The following ANKRD11 variants were observed in gnomAD, a reference collection of about 807,000 sequenced individuals.
ANKRD11 encodes the protein ankyrin repeat domain-containing protein 11.
In ANKRD11, 17 loss-of-function variants were observed where a neutral mutation model predicts 195.7. The ratio of observed to expected loss-of-function variants is 0.09; its 90% confidence interval spans 0.06 to 0.13. ANKRD11 has a LOEUF of 0.13. ANKRD11 is among the 10% of genes least tolerant of loss of function. The pLI is 1.00. For synonymous variants in ANKRD11, 1,953 were observed against 1,528.1 expected, an observed-to-expected ratio of 1.28 and a Z score of -6.49; for missense variants, 3,735 against 3,566.1, an observed-to-expected ratio of 1.05 and a Z score of -1.21.
chr16:89,415,334 G>C (rs1019525489), intron 2 of ANKRD11, among the ~76,000 whole-genome samples: 9 of 141,102 alleles, frequency 6.4e-5, no homozygotes, highest in Non-Finnish European at 1.2e-4. Context: ...GTGCGATCTC[G>C]GTTTACTGCA....
At chr16:89,434,229 C>T (rs2043117247) in intron 1 of ANKRD11, among the ~76,000 whole-genome samples, 1 of 152,180 alleles carries the variant, frequency 6.6e-6, no homozygotes, top group Non-Finnish European at 1.5e-5. Context: ...ACTATGGATT[C>T]TGTGTGTCTG....
chr16:89,448,826 C>T (rs950973425), intron 1 of ANKRD11, among the ~76,000 whole-genome samples: 4 of 152,236 alleles, frequency 2.6e-5, no homozygotes, highest in East Asian at 1.9e-4. Flanking sequence ...ACGTGAGTCC[C>T]GGCATGCGGG....
chr16:89,347,420 T>A (rs533222015), intron 2 of ANKRD11, among the ~76,000 whole-genome samples: 1 of 152,010 alleles, frequency 6.6e-6, no homozygotes, highest in Non-Finnish European at 1.5e-5. Flanking sequence ...CCATCCTGGC[T>A]AGCACGGTGA....
Position 89,280,367 on chromosome 16 carries a change from G to A in ANKRD11, c.6175C>T (p.Pro2059Ser), listed in dbSNP as rs1482843507. The change falls in exon 9 of 13, where the codon CCC (proline) becomes TCC (serine). Residue 2059 changes from proline (P) to serine (S), a missense_variant. By Grantham distance (74) the Pro-to-Ser change is moderately conservative. Coordinates refer to ENST00000301030, the MANE Select transcript of ANKRD11 (RefSeq NM_013275.6). Reference protein sequence around the residue: ...STSEAAPYAPPSGLESFFSNC... With the variant: ...STSEAAPYAPSSGLESFFSNC... ...CTGAAGAAGGACTCCAGCCCGGAGG[G>A]AGGGGCGTAGGGAGCCGCCTCTGAG... 6 of 1,566,910 alleles carry A rather than the reference G, an allele frequency of 3.8e-6. No homozygotes were observed. The South Asian group carries it at 4.7e-5, about 12-fold the overall frequency.
At chr16:89,470,108 G>T (rs1349674204) in intron 1 of ANKRD11, among the ~76,000 whole-genome samples, 1 of 151,558 alleles carries the variant, frequency 6.6e-6, no homozygotes, top group African/African-American at 2.4e-5. Context: ...GGGTTTCACC[G>T]TGTTAGCCAG....
intron 1 of ANKRD11, among the ~76,000 whole-genome samples, chr16:89,445,916 C>G (rs553904034): frequency 6.7e-6 from 1 of 149,534 alleles, no homozygotes; most frequent in African/African-American, 2.5e-5. Flanking sequence ...TTGTGGTGAG[C>G]GGAGATCGTG....
intron 1 of ANKRD11, among the ~76,000 whole-genome samples, chr16:89,419,714 T>C (rs924175224): frequency 7.9e-5 from 12 of 152,194 alleles, no homozygotes; most frequent in Non-Finnish European, 1.0e-4. Flanking sequence ...GCACTTAGCA[T>C]CCGAGAGAAT....
chr16:89,288,926 C>G, intron 6 of ANKRD11: 1 of 585,462 alleles, frequency 1.7e-6, no homozygotes, highest in East Asian at 2.9e-5. Flanking sequence ...GGCTAATCTG[C>G]GGCAATCACC....
intron 1 of ANKRD11, among the ~76,000 whole-genome samples, chr16:89,467,777 G>A (rs922615928): frequency 1.3e-5 from 2 of 152,088 alleles, no homozygotes; most frequent in Admixed American, 6.6e-5. Flanking sequence ...TAAGACGACT[G>A]GGTGACTTGC....
chr16:89,305,141 C>T, intron 4 of ANKRD11, 65 bp downstream of exon 4: 1 of 1,587,566 alleles, frequency 6.3e-7, no homozygotes, highest in Non-Finnish European at 8.5e-7. Context: ...GCCAGGGACG[C>T]CCTGCCTGGG....
At chr16:89,398,545 C>CAT (rs910327125) in intron 2 of ANKRD11, among the ~76,000 whole-genome samples, 1 of 152,132 alleles carries the variant, frequency 6.6e-6, no homozygotes, top group Non-Finnish European at 1.5e-5. Context: ...AGGGAGACCC[C>CAT]ATCTCTTAAA....
intron 1 of ANKRD11, among the ~76,000 whole-genome samples, chr16:89,436,911 A>C (rs2043238982): frequency 6.6e-6 from 1 of 152,212 alleles, no homozygotes; most frequent in East Asian, 1.9e-4. Context: ...AACTGAATAA[A>C]ATTTAATATA....
intron 3 of ANKRD11, among the ~76,000 whole-genome samples, chr16:89,315,936 C>T (rs1361955361): frequency 2.0e-5 from 3 of 152,148 alleles, no homozygotes; most frequent in Admixed American, 6.5e-5. Context: ...AGAGGCCTCA[C>T]AGGTAGTGAC....
chr16:89,475,668 T>C (rs1304551281), intron 1 of ANKRD11, among the ~76,000 whole-genome samples: 2 of 152,126 alleles, frequency 1.3e-5, no homozygotes, highest in Non-Finnish European at 1.5e-5. Context: ...CAACAAACAA[T>C]TACAATCAAA....
At chr16:89,422,189 C>G (rs745604928) in intron 1 of ANKRD11, 1 of 152,052 alleles carries the variant, frequency 6.6e-6, no homozygotes. Flanking sequence ...TAGGCCAAAC[C>G]TATAATCCCA....
Position 89,291,565 on chromosome 16 carries a change from C to G in ANKRD11, c.227-382G>C. ...ACAGGACAGGTCTCTGTTCAATACACGTGTCTGTAATTCAATTCCACCTTC... is the reference window on the plus strand; with the variant it reads ...ACAGGACAGGTCTCTGTTCAATACAGGTGTCTGTAATTCAATTCCACCTTC... On this transcript the variant is annotated intron_variant, in intron 4 of 12. Coordinates refer to ENST00000301030, the MANE Select transcript of ANKRD11 (RefSeq NM_013275.6). This position sits in a 1 kb window ranked among gnomAD's most constrained non-coding sequence, Gnocchi z 5.3. The G allele has an allele frequency of 1.2e-6, 1 of 805,948 alleles. No individual in the cohort carries two copies. Among genetic ancestry groups the G allele is most frequent in the Non-Finnish European group, 1.8e-6 (1 of 540,692 alleles). 49.9% of individuals were successfully genotyped at this position (805,948 alleles called of 1,614,324 possible). A position where few individuals can be genotyped will look rare whatever the true frequency, so the allele number is the denominator to read the frequency against.
At chr16:89,302,183 G>C (rs530173293) in intron 4 of ANKRD11, among the ~76,000 whole-genome samples, 4 of 152,326 alleles carry the variant, frequency 2.6e-5, no homozygotes, top group Admixed American at 2.6e-4. Context: ...GGGACGCGGC[G>C]TGTGTGAGAG....
At chr16:89,391,024 C>A (rs2965828) in intron 2 of ANKRD11, among the ~76,000 whole-genome samples, 3 of 151,654 alleles carry the variant, frequency 2.0e-5, no homozygotes, top group Non-Finnish European at 2.9e-5. Flanking sequence ...GTCAGGAGAT[C>A]GAGACCATCC....
intron 1 of ANKRD11, among the ~76,000 whole-genome samples, chr16:89,422,001 T>C (rs992241681): frequency 6.6e-6 from 1 of 152,180 alleles, no homozygotes; most frequent in African/African-American, 2.4e-5. Flanking sequence ...GAGGTACTAA[T>C]GGCGGCTCTC....
Sources: allele counts gnomAD v4.1 joint callset (sites outside exome capture counted in the v4.1 genomes callset), GRCh38; gene constraint gnomAD v4.1.1; non-coding constraint Gnocchi (gnomAD v3.1); transcripts MANE v1.5; gene names NCBI Gene and HGNC (gene_info 2026-07-23, HGNC 2026-07-21).